Variants in TSNARE1 observed in about 807,000 individuals in gnomAD.
TSNARE1 encodes the protein t-SNARE domain-containing protein 1.
A neutral mutation model predicts 62.0 loss-of-function variants in TSNARE1; 49 were observed. That is an observed-to-expected ratio of 0.79 (90% CI 0.63 to 1.00). The LOEUF (loss-of-function observed/expected upper bound fraction) is 1.00, where lower values mean the gene tolerates loss of function less well. Among genes scored for constraint, TSNARE1 ranks in the 50% least tolerant of loss-of-function variants. The pLI is 0.00. For missense variants in TSNARE1, 755 were observed against 700.1 expected (o/e 1.08, Z -0.88); for synonymous variants, 328 against 294.4 (o/e 1.11, Z -1.17).
chr8:142,274,213 C>T (rs1485455884), intron 12 of TSNARE1: 1 of 985,328 alleles, frequency 1.0e-6, no homozygotes, highest in Non-Finnish European at 1.2e-6. Context: ...AAGACAGCGG[C>T]TGGGCCTCCA....
intron 3 of TSNARE1, 33 bp downstream of exon 3, chr8:142,345,710 G>A (rs1291406775): frequency 6.5e-7 from 1 of 1,535,388 alleles, no homozygotes; most frequent in Admixed American, 2.0e-5. Flanking sequence ...CGCCTTCCCA[G>A]GACCCCTGAG....
intron 12 of TSNARE1, among the ~76,000 whole-genome samples, chr8:142,236,826 G>A (rs544741274): frequency 1.7e-4 from 26 of 152,274 alleles, no homozygotes; most frequent in African/African-American, 5.8e-4. Flanking sequence ...TGTCCTAGGT[G>A]CTGGGGATGT....
intron 10 of TSNARE1, among the ~76,000 whole-genome samples, chr8:142,299,498 C>T (rs1254563316): frequency 6.6e-6 from 1 of 152,254 alleles, no homozygotes; most frequent in East Asian, 1.9e-4. Context: ...AGGTCACACG[C>T]AGAGGCTCGG....
At chr8:142,359,361 G>A (rs965039477) in intron 1 of TSNARE1, among the ~76,000 whole-genome samples, 4 of 152,140 alleles carry the variant, frequency 2.6e-5, no homozygotes, top group Admixed American at 6.5e-5. Context: ...GCCCGGTCCA[G>A]TGCATCATCA....
intron 12 of TSNARE1, among the ~76,000 whole-genome samples, chr8:142,268,556 T>C (rs957939880): frequency 1.3e-5 from 2 of 152,178 alleles, no homozygotes; most frequent in East Asian, 1.9e-4. Flanking sequence ...GCTTGGCAGA[T>C]TGCACGCTGC....
At chr8:142,332,702 C>T (rs183971955) in intron 4 of TSNARE1, among the ~76,000 whole-genome samples, 12 of 152,302 alleles carry the variant, frequency 7.9e-5, no homozygotes, top group Admixed American at 2.6e-4. Flanking sequence ...AGGCTGCACA[C>T]ACTCGCCCTC....
chr8:142,313,530 T>C (rs933305446), intron 9 of TSNARE1, among the ~76,000 whole-genome samples: 2 of 152,226 alleles, frequency 1.3e-5, no homozygotes, highest in African/African-American at 4.8e-5. Flanking sequence ...TGTGTTTATC[T>C]GCATGGGTCT....
intron 11 of TSNARE1, chr8:142,276,211 A>T (rs1284067304): frequency 1.0e-6 from 1 of 985,320 alleles, no homozygotes; most frequent in Admixed American, 6.1e-5. Flanking sequence ...GGTATGGGTG[A>T]CGGCCTCGGC....
intron 7 of TSNARE1, among the ~76,000 whole-genome samples, chr8:142,317,358 G>A (rs1187850635): frequency 1.7e-5 from 2 of 120,590 alleles, no homozygotes; most frequent in South Asian, 5.6e-4. Flanking sequence ...CACACTGTAC[G>A]CGTGAAGCGG....
At chr8:142,314,328 C>A in intron 9 of TSNARE1, 56 bp downstream of exon 9, 1 of 1,532,640 alleles carries the variant, frequency 6.5e-7, no homozygotes, top group Non-Finnish European at 9.0e-7. Context: ...CAGATGGCAG[C>A]GGATTCTGGG....
chr8:142,335,236 G>A (rs1302503722), intron 4 of TSNARE1, among the ~76,000 whole-genome samples: 1 of 152,058 alleles, frequency 6.6e-6, no homozygotes, highest in Non-Finnish European at 1.5e-5. Context: ...AATGACATGT[G>A]ATCCTGAATG....
chr8:142,300,442 T>C, intron 10 of TSNARE1, 44 bp downstream of exon 10: 3 of 1,563,096 alleles, frequency 1.9e-6, no homozygotes, highest in East Asian at 2.3e-5. Context: ...CCCAGCCTCA[T>C]GTGGAGTGTG....
At chr8:142,253,996 C>T (rs982208519) in intron 12 of TSNARE1, among the ~76,000 whole-genome samples, 1 of 152,258 alleles carries the variant, frequency 6.6e-6, no homozygotes, top group Non-Finnish European at 1.5e-5. Flanking sequence ...AGACGCCAAG[C>T]CTTTTCCAGA....
chr8:142,236,295 G>T (rs1057174209), intron 12 of TSNARE1, among the ~76,000 whole-genome samples: 60 of 151,950 alleles, frequency 3.9e-4, no homozygotes, highest in Non-Finnish European at 7.1e-4. Flanking sequence ...GGCAGGGCAG[G>T]TTCAGAGGCG....
At chr8:142,300,894 G>A (rs1039973525) in intron 9 of TSNARE1, among the ~76,000 whole-genome samples, 23 of 152,256 alleles carry the variant, frequency 1.5e-4, no homozygotes, top group African/African-American at 3.6e-4. Context: ...CAGCCCCCCC[G>A]CATCAGGTCC....
At chr8:142,272,992 C>A (rs1198497911) in intron 12 of TSNARE1, 1 of 985,480 alleles carries the variant, frequency 1.0e-6, no homozygotes, top group Middle Eastern at 5.2e-4. Context: ...CCCTCGGGAA[C>A]AGGAGTGGGA....
chr8:142,239,784 C>T (rs1204675709), intron 12 of TSNARE1, among the ~76,000 whole-genome samples: 1 of 152,176 alleles, frequency 6.6e-6, no homozygotes, highest in East Asian at 1.9e-4. Context: ...GTCGGCTCCT[C>T]CTGATGCTAC....
intron 7 of TSNARE1, 46 bp from the exon 8 acceptor site, chr8:142,315,138 C>A: frequency 6.3e-7 from 1 of 1,591,392 alleles, no homozygotes; most frequent in Non-Finnish European, 8.6e-7. Flanking sequence ...CTTGGCCCTG[C>A]CCCAGCAGCC....
In TSNARE1 at chr8:142,380,174, C is replaced by A. The variant is rs369099559; in HGVS notation, c.-40+22930G>T. 1.5e-4 allele frequency among the ~76,000 whole-genome samples: 23 copies of A among 152,342 alleles called. 1 individual carries two copies. The South Asian group carries it at 4.8e-3, about 32-fold the overall frequency. On this transcript the variant is annotated intron_variant, in intron 1 of 13. Transcript: ENST00000524325. ...TCCTAAGCACTGAACTCATTCCCAC[C>A]TCCCAACAACTCCACAGGACAGAAA...
Sources: gnomAD v4.1 joint callset for allele counts (sites outside exome capture counted in the v4.1 genomes callset) on GRCh38, gnomAD v4.1.1 for gene constraint, MANE v1.5 for transcripts, NCBI Gene and HGNC (gene_info 2026-07-23, HGNC 2026-07-21) for gene names.